The following SMIM14 variants were observed in gnomAD, a reference collection of about 807,000 sequenced individuals.
SMIM14 encodes the protein chromosome 4 open reading frame 34.
Under a neutral mutation model 12.6 loss-of-function variants are expected in SMIM14, and 5 were observed. The ratio of observed to expected loss-of-function variants is 0.40; its 90% CI spans 0.21 to 0.83. The LOEUF (loss-of-function observed/expected upper bound fraction) is 0.83, where lower values mean the gene tolerates loss of function less well. Among genes scored for constraint, SMIM14 ranks in the 40% least tolerant of loss-of-function variants. SMIM14 has a pLI of 0.37. For synonymous variants in SMIM14, 30 were observed against 40.1 expected, an observed-to-expected ratio of 0.75 and a Z score of 0.95; for missense variants, 86 against 119.1, an observed-to-expected ratio of 0.72 and a Z score of 1.29.
chr4:39,568,233 T>C (rs11935247), intron 3 of SMIM14, among the ~76,000 whole-genome samples: 21,027 of 151,140 alleles, frequency 0.14, 3,493 homozygotes, highest in African/African-American at 0.4. Flanking sequence ...GAGCCAAGAT[T>C]GTGCCACTAC....
chr4:39,589,135 G>A (rs1713929808), intron 2 of SMIM14, among the ~76,000 whole-genome samples: 1 of 152,112 alleles, frequency 6.6e-6, no homozygotes, highest in Admixed American at 6.6e-5. Flanking sequence ...CACCCAGGCT[G>A]GAGTACAATG....
intron 2 of SMIM14, among the ~76,000 whole-genome samples, chr4:39,602,498 G>C (rs900548240): frequency 2.6e-5 from 4 of 152,080 alleles, no homozygotes; most frequent in Non-Finnish European, 5.9e-5. Flanking sequence ...GGGAGGCTGA[G>C]GCATGAGAAT....
intron 1 of SMIM14, among the ~76,000 whole-genome samples, chr4:39,637,000 G>T (rs4975028): frequency 0.63 from 95,984 of 152,060 alleles, 30,453 homozygotes; most frequent in East Asian, 0.72. Flanking sequence ...TAGTGAATAC[G>T]CTCTAAAATT....
At chr4:39,597,343 C>T (rs1468519300) in intron 2 of SMIM14, among the ~76,000 whole-genome samples, 3 of 151,660 alleles carry the variant, frequency 2.0e-5, no homozygotes, top group Admixed American at 6.6e-5. Context: ...TTAAACTGGA[C>T]TTTAGCATTT....
intron 3 of SMIM14, among the ~76,000 whole-genome samples, chr4:39,563,482 G>A (rs537567309): frequency 1.8e-4 from 27 of 152,336 alleles, no homozygotes; most frequent in African/African-American, 2.4e-4. Context: ...GAGCAGCTTC[G>A]GGGTGGGATC....
At chr4:39,600,151 G>C (rs1714543867) in intron 2 of SMIM14, among the ~76,000 whole-genome samples, 1 of 151,974 alleles carries the variant, frequency 6.6e-6, no homozygotes, top group African/African-American at 2.4e-5. Context: ...CTGGCATTGG[G>C]GCATGACTTT....
chr4:39,552,221 T>G lies in SMIM14; in HGVS notation c.268-63A>C, dbSNP rs910929778. 5.1e-6 allele frequency: 7 copies of G among 1,385,606 alleles called. No homozygotes were observed. The African/African-American group carries it at 5.9e-5, about 12-fold the overall frequency. The allele number at this position is 1,385,606 out of a possible 1,614,324, so 85.8% of individuals were successfully genotyped here. ...TTAAAAATTCAAAAAAATTTAAAAT[T>G]TATTACTTTTTTAAAAATTGACTTA... On this transcript the variant is annotated intron_variant, in intron 4 of 4. Coordinates refer to ENST00000295958, the MANE Select transcript of SMIM14 (RefSeq NM_174921.3).
chr4:39,546,966 T>G lies in SMIM14; in HGVS notation c.*5160A>C, dbSNP rs1271756128. ...TCTGGTTCCTTTTGAGCTAGATATA[T>G]CTGCTTAAATAATTAACACTATTGG... is the stretch of plus-strand genomic sequence containing the variant. On this transcript the variant is annotated 3_prime_UTR_variant, in exon 5 of 5. Transcript: ENST00000295958. 3 of 152,206 alleles carry G rather than the reference T, an allele frequency of 2.0e-5. No homozygotes were observed. Among genetic ancestry groups the G allele is most frequent in the Admixed American group, 6.5e-5 (1 of 15,276 alleles). 9.4% of individuals were successfully genotyped at this position (152,206 alleles called of 1,614,324 possible).
intron 1 of SMIM14, among the ~76,000 whole-genome samples, chr4:39,628,728 T>C (rs1272602564): frequency 1.3e-5 from 2 of 150,748 alleles, no homozygotes; most frequent in Admixed American, 1.3e-4. Flanking sequence ...TTCTTTTTTT[T>C]TTTTTTTCTT....
intron 1 of SMIM14, among the ~76,000 whole-genome samples, chr4:39,620,554 G>A (rs1183261874): frequency 6.6e-6 from 1 of 152,044 alleles, no homozygotes; most frequent in Non-Finnish European, 1.5e-5. Flanking sequence ...CAGGTTGGTC[G>A]ACATAGCAAG....
intron 1 of SMIM14, among the ~76,000 whole-genome samples, chr4:39,615,512 A>T (rs1249089156): frequency 6.6e-6 from 1 of 152,188 alleles, no homozygotes; most frequent in Non-Finnish European, 1.5e-5. Flanking sequence ...ACCCTAATGT[A>T]AACTATGGAC....
At chr4:39,620,197 C>G (rs28486070) in intron 1 of SMIM14, among the ~76,000 whole-genome samples, 1 of 149,242 alleles carries the variant, frequency 6.7e-6, no homozygotes. Context: ...AAAAAAAATT[C>G]GGATGGGCGC....
chr4:39,570,502 T>C (rs1712828581), intron 3 of SMIM14, among the ~76,000 whole-genome samples: 1 of 152,064 alleles, frequency 6.6e-6, no homozygotes, highest in Non-Finnish European at 1.5e-5. Flanking sequence ...AACTCTGAGG[T>C]TGAAGAAAAA....
Position 39,552,157 on chromosome 4 carries a change from C to T in SMIM14, c.269G>A (p.Gly90Glu). The T allele has an allele frequency of 1.3e-6, 2 of 1,587,630 alleles. No individual in the cohort carries two copies. Among genetic ancestry groups the T allele is most frequent in the South Asian group, 1.2e-5 (1 of 84,524 alleles). Residue 90 changes from glycine to glutamate, a missense_variant and splice_region_variant, in exon 5 of 5, where the codon GGA (glycine) becomes GAA (glutamate). Transcript: ENST00000295958. ...CACAGGAGGAGCTGGTGGATCTTGT[C>T]CCTGGCATTAGAAAGAAATAAATTA... ...LPGKPTSPHN[G>E]QDPPAPPVD
Position 39,621,686 on chromosome 4 carries a change from C to CTTTTTT in SMIM14, c.-35-16512_-35-16507dup, listed in dbSNP as rs57206633. On this transcript the variant is annotated intron_variant, in intron 1 of 4. Transcript: ENST00000295958. Reference sequence around the variant, plus strand: ...TAAAGTATTATACAGCCAAACGTTTCTTTTTTTTTTTTTTTTTTTTTTTTG... The same window carrying CTTTTTT: ...TAAAGTATTATACAGCCAAACGTTTCTTTTTTTTTTTTTTTTTTTTTTTTTTTTTTG... Among the ~76,000 whole-genome samples the CTTTTTT allele has an allele frequency of 1.0e-4, 11 of 105,434 alleles. 1 individual carries two copies. Among genetic ancestry groups the CTTTTTT allele is most frequent in the East Asian group, 5.6e-4 (2 of 3,580 alleles). 69.2% of individuals were successfully genotyped at this position (105,434 alleles called of 152,430 possible).
At chr4:39,595,034 C>T (rs1714294382) in intron 2 of SMIM14, among the ~76,000 whole-genome samples, 1 of 146,884 alleles carries the variant, frequency 6.8e-6, no homozygotes, top group Non-Finnish European at 1.5e-5. Flanking sequence ...TACCATTTGA[C>T]CCAGCCATCC....
At chr4:39,598,104 CT>C (rs1472788330) in intron 2 of SMIM14, among the ~76,000 whole-genome samples, 2 of 152,150 alleles carry the variant, frequency 1.3e-5, no homozygotes, top group Admixed American at 1.3e-4. Context: ...AAAAAGTTTT[CT>C]ACTTGTCTTA....
chr4:39,579,268 G>A (rs891818843), intron 2 of SMIM14, among the ~76,000 whole-genome samples: 2 of 151,570 alleles, frequency 1.3e-5, no homozygotes, highest in African/African-American at 4.8e-5. Flanking sequence ...ATATTATCTG[G>A]ATGTGGTGAT....
chr4:39,598,030 T>C (rs1462362964), intron 2 of SMIM14, among the ~76,000 whole-genome samples: 1 of 152,208 alleles, frequency 6.6e-6, no homozygotes, highest in East Asian at 1.9e-4. Flanking sequence ...ACAACCACTA[T>C]AGAGTTCAGG....
Sources: allele counts gnomAD v4.1 joint callset (sites outside exome capture counted in the v4.1 genomes callset), GRCh38; gene constraint gnomAD v4.1.1; transcripts MANE v1.5; gene names NCBI Gene and HGNC (gene_info 2026-07-23, HGNC 2026-07-21).